PCDH11Y: variants seen among roughly 807,000 people sequenced by gnomAD.
PCDH11Y encodes protocadherin 11 Y-linked.
For synonymous variants in PCDH11Y, 9 were observed against 83.6 expected, an observed-to-expected ratio of 0.11 and a Z score of 4.87; for missense variants, 12 against 224.8, an observed-to-expected ratio of 0.05 and a Z score of 6.05.
chrY:5,111,805 G>T, intron 2 of PCDH11Y, among the ~76,000 whole-genome samples: 1 of 34,113 alleles, frequency 2.9e-5, no homozygotes, highest in Non-Finnish European at 7.4e-5. Context: ...GAAATGAGAG[G>T]GAATGTACAC....
intron 2 of PCDH11Y, among the ~76,000 whole-genome samples, chrY:5,149,543 A>G (rs1602876605): frequency 4.0e-5 from 1 of 25,275 alleles, no homozygotes; most frequent in Non-Finnish European, 8.6e-5. Flanking sequence ...AACAGAATCA[A>G]CAGGATGTAT....
chrY:5,497,773 A>G (rs2053347023), intron 2 of PCDH11Y, among the ~76,000 whole-genome samples: 1 of 33,933 alleles, frequency 2.9e-5, no homozygotes, highest in South Asian at 6.5e-4. Flanking sequence ...ATTTATCAAG[A>G]CAGGGGGATT....
At chrY:5,456,635 T>C in intron 2 of PCDH11Y, among the ~76,000 whole-genome samples, 3 of 33,787 alleles carry the variant, frequency 8.9e-5, no homozygotes, top group African/African-American at 2.3e-4. Context: ...CATGGAATAC[T>C]ACGAATCCGT....
chrY:5,410,357 C>T (rs2053245711), intron 2 of PCDH11Y, among the ~76,000 whole-genome samples: 1 of 24,024 alleles, frequency 4.2e-5, no homozygotes, highest in Non-Finnish European at 8.2e-5. Context: ...GCAACAAGAG[C>T]GAAACCCTGT....
chrY:5,550,658 C>T (rs2053417876), intron 3 of PCDH11Y, among the ~76,000 whole-genome samples: 1 of 32,344 alleles, frequency 3.1e-5, no homozygotes, highest in Non-Finnish European at 7.7e-5. Context: ...CATATGTCCC[C>T]TTCCTTCTCT....
At chrY:5,083,176 T>C (rs2052723788) in intron 1 of PCDH11Y, among the ~76,000 whole-genome samples, 1 of 33,648 alleles carries the variant, frequency 3.0e-5, no homozygotes, top group African/African-American at 1.2e-4. Context: ...TGAAAAAGCA[T>C]GATTTCCCGA....
chrY:5,385,724 C>T lies in PCDH11Y; in HGVS notation c.3130-115333C>T, dbSNP rs372437431. Among the ~76,000 whole-genome samples, 60 of 33,535 alleles carry T rather than the reference C, an allele frequency of 1.8e-3. No individual in the cohort carries two copies. In the South Asian group the frequency reaches 0.039, roughly 22 times the overall value. The allele number at this position is 33,535 out of a possible 37,273, so 90.0% of individuals were successfully genotyped here. ...CATTCTTGTGGGAGTAAGGTCGTAT[C>T]GCATTGTGGTTTTTATTTGGAATCC... On this transcript the variant is annotated intron_variant, in intron 2 of 4. Coordinates refer to the PCDH11Y transcript ENST00000400457.
intron 4 of PCDH11Y, among the ~76,000 whole-genome samples, chrY:5,637,062 A>T (rs2124704504): frequency 3.0e-5 from 1 of 32,916 alleles, no homozygotes; most frequent in East Asian, 8.0e-4. Flanking sequence ...CTGTTTTCAT[A>T]TATCAAGTCC....
intron 2 of PCDH11Y, among the ~76,000 whole-genome samples, chrY:5,183,026 G>A: frequency 3.0e-5 from 1 of 33,501 alleles, no homozygotes; most frequent in African/African-American, 1.2e-4. Context: ...TGATCCCAAG[G>A]CCAGAGCATG....
intron 2 of PCDH11Y, among the ~76,000 whole-genome samples, chrY:5,325,762 T>C (rs2124666408): frequency 6.1e-4 from 20 of 32,883 alleles, no homozygotes; most frequent in African/African-American, 2.4e-3. Context: ...GAATGGAGAA[T>C]AGGAGTATGA....
At chrY:5,603,869 AAG>A (rs2053475802) in intron 4 of PCDH11Y, among the ~76,000 whole-genome samples, 1 of 20,136 alleles carries the variant, frequency 5.0e-5, no homozygotes, top group Non-Finnish European at 1.1e-4. Context: ...GAAAGAAAGA[AAG>A]AAAGAAAGAA....
At chrY:5,573,612 C>A in intron 3 of PCDH11Y, 1 of 272,819 alleles carries the variant, frequency 3.7e-6, no homozygotes, top group South Asian at 3.2e-5. Context: ...TGACAATGCC[C>A]GTCTTGCTGC....
chrY:5,001,329 T>C (rs2052529984), intron 1 of PCDH11Y, among the ~76,000 whole-genome samples: 2 of 34,296 alleles, frequency 5.8e-5, no homozygotes, highest in Non-Finnish European at 1.5e-4. Flanking sequence ...AATCAACTTA[T>C]AATCTAGCCG....
At chrY:5,221,627 G>C in intron 2 of PCDH11Y, among the ~76,000 whole-genome samples, 1 of 26,980 alleles carries the variant, frequency 3.7e-5, no homozygotes, top group South Asian at 9.3e-4. Context: ...TTCGCAACTG[G>C]TATTTTTATG....
intron 4 of PCDH11Y, among the ~76,000 whole-genome samples, chrY:5,674,051 T>C (rs2053551731): frequency 9.1e-5 from 3 of 32,894 alleles, no homozygotes; most frequent in Non-Finnish European, 2.3e-4. Flanking sequence ...GGCATGCCTT[T>C]ATATAAGCTA....
intron 2 of PCDH11Y, among the ~76,000 whole-genome samples, chrY:5,281,053 T>C: frequency 6.0e-5 from 2 of 33,156 alleles, no homozygotes; most frequent in Non-Finnish European, 1.5e-4. Flanking sequence ...TCCCATTCTG[T>C]AGGTTGTCTG....
upstream of PCDH11Y, among the ~76,000 whole-genome samples, chrY:5,051,930 G>A: frequency 3.1e-5 from 1 of 32,407 alleles, no homozygotes. Flanking sequence ...GCTGTGGTCA[G>A]TTCCTCTGAA....
At chrY:5,141,526 A>G in intron 2 of PCDH11Y, among the ~76,000 whole-genome samples, 2 of 31,548 alleles carry the variant, frequency 6.3e-5, no homozygotes, top group African/African-American at 2.5e-4. Context: ...TGACTTTTTA[A>G]TGGTAACCAA....
chrY:5,352,269 G>A, intron 2 of PCDH11Y, among the ~76,000 whole-genome samples: 1 of 30,821 alleles, frequency 3.2e-5, no homozygotes, highest in Non-Finnish European at 7.7e-5. Context: ...CTACAGGTGC[G>A]TGCCACCAAG....
Sources: gnomAD v4.1 joint callset for allele counts (sites outside exome capture counted in the v4.1 genomes callset) on GRCh38, gnomAD v4.1.1 for gene constraint, MANE v1.5 for transcripts, NCBI Gene and HGNC (gene_info 2026-07-23, HGNC 2026-07-21) for gene names.